The following PCDH15 variants were observed in gnomAD, a reference collection of about 807,000 sequenced individuals.
PCDH15 encodes the protein protocadherin related 15, also known as protocadherin-15.
A neutral mutation model predicts 178.5 loss-of-function variants in PCDH15; 129 were observed. The observed-to-expected ratio is 0.72, with a 90% CI of 0.63 to 0.84. The LOEUF (loss-of-function observed/expected upper bound fraction) is 0.84. PCDH15 is among the 40% of genes least tolerant of loss of function. The pLI, the probability that PCDH15 is intolerant of heterozygous loss-of-function variation, is 0.00. For synonymous variants in PCDH15, 800 were observed against 732.0 expected, an observed-to-expected ratio of 1.09 and a Z score of -1.50; for missense variants, 2,230 against 2,099.9, an observed-to-expected ratio of 1.06 and a Z score of -1.21.
At chr10:54,069,407 T>C (rs2094198215) in intron 17 of PCDH15, among the ~76,000 whole-genome samples, 4 of 152,182 alleles carry the variant, frequency 2.6e-5, no homozygotes, top group Admixed American at 2.6e-4. Context: ...AGAAGTCAAA[T>C]AACAATTCCA....
intron 2 of PCDH15, among the ~76,000 whole-genome samples, chr10:54,662,044 T>C (rs1235931508): frequency 2.6e-5 from 4 of 151,680 alleles, no homozygotes; most frequent in African/African-American, 9.7e-5. Context: ...TAAACAAAAG[T>C]AGACAAATGG....
At chr10:55,515,032 CG>C (rs1187930214) in intron 2 of PCDH15, among the ~76,000 whole-genome samples, 3 of 149,098 alleles carry the variant, frequency 2.0e-5, no homozygotes, top group African/African-American at 7.4e-5. Context: ...CTCTGTCACC[CG>C]GGCTGGAGTG....
At chr10:53,818,149 T>A (rs548928717) in intron 33 of PCDH15, 136 bp from the exon 34 acceptor site, 1 of 390,064 alleles carries the variant, frequency 2.6e-6, no homozygotes, top group African/African-American at 2.1e-5. Flanking sequence ...ACTATCTCAG[T>A]GGGAAGTATA....
In PCDH15 at chr10:54,655,256, AAGAGAGAGAGAGAGAG is replaced by A. The variant is rs1173377441; in HGVS notation, c.91+8900_91+8915del. Among the ~76,000 whole-genome samples the A allele has an allele frequency of 8.8e-4, 43 of 48,908 alleles. 2 individuals carry two copies. The highest frequency in any genetic ancestry group is 2.7e-3 in the South Asian group (3 of 1,126). 32.1% of individuals were successfully genotyped at this position (48,908 alleles called of 152,430 possible). A position where few individuals can be genotyped will look rare whatever the true frequency, so the allele number is the denominator to read the frequency against. On this transcript the variant is annotated intron_variant, in intron 2 of 37. Transcript: ENST00000644397. Reference sequence around the variant, plus strand: ...AGGAAGGGAAAGAAAGAAAGAAAGAAAGAGAGAGAGAGAGAGAGAGAGAGAGAGAGAGAGAGAGAGA... The same window carrying A: ...AGGAAGGGAAAGAAAGAAAGAAAGAAAGAGAGAGAGAGAGAGAGAGAGAGA...
At chr10:54,093,820 G>A (rs574448570) in intron 15 of PCDH15, among the ~76,000 whole-genome samples, 6 of 152,188 alleles carry the variant, frequency 3.9e-5, no homozygotes, top group African/African-American at 1.4e-4. Context: ...ATTGAAAGAT[G>A]CATCTTTTTT....
Position 54,329,626 on chromosome 10 carries a change from C to G in PCDH15, c.675G>C (p.Lys225Asn), listed in dbSNP as rs1403705158. 1.2e-6 allele frequency: 2 copies of G among 1,605,016 alleles called. No homozygotes were observed. The highest frequency in any genetic ancestry group is 1.7e-6 in the Non-Finnish European group (2 of 1,172,116). The change falls in exon 7 of 38, where the codon AAG becomes AAC. Residue 225 changes from lysine (K) to asparagine (N), a missense_variant. Coordinates refer to ENST00000644397, the MANE Select transcript of PCDH15 (RefSeq NM_001384140.1). ...CTTGGATTATGACAAAGTAGCGAGT[C>G]TTATCTTCATAGTTGAGCCTCTTCC... The part of the protein sequence containing the change: ...VLRKRLNYED[K>N]TRYFVIIQAN...
chr10:55,554,470 C>T lies in PCDH15; in HGVS notation c.-156+73155G>A, dbSNP rs575587194. ...TTACCTTAGTGAGGTACAATTATTA[C>T]AATTAATGAACCAATATTGACATTA... On this transcript the variant is annotated intron_variant, in intron 2 of 5. Coordinates refer to the PCDH15 transcript ENST00000613346. 3.4e-4 allele frequency among the ~76,000 whole-genome samples: 52 copies of T among 152,130 alleles called. 1 individual carries two copies. In the South Asian group the frequency reaches 6.6e-3, roughly 19 times the overall value.
At chr10:53,892,154 A>G (rs2081613978) in intron 26 of PCDH15, among the ~76,000 whole-genome samples, 1 of 150,076 alleles carries the variant, frequency 6.7e-6, no homozygotes, top group South Asian at 2.1e-4. Context: ...CCTCTTGAGT[A>G]GCTGGGATTA....
chr10:55,263,695 C>T (rs1363652725), intron 1 of PCDH15, among the ~76,000 whole-genome samples: 1 of 151,972 alleles, frequency 6.6e-6, no homozygotes, highest in Non-Finnish European at 1.5e-5. Context: ...AGGATCTCCC[C>T]CTTTTGCTCT....
chr10:55,004,697 T>G (rs1340685906), intron 2 of PCDH15, among the ~76,000 whole-genome samples: 2 of 152,214 alleles, frequency 1.3e-5, no homozygotes, highest in African/African-American at 4.8e-5. Flanking sequence ...GAGACTGAAC[T>G]CCTGTTTTCC....
chr10:54,442,223 G>A (rs1425778955), intron 3 of PCDH15, among the ~76,000 whole-genome samples: 1 of 150,512 alleles, frequency 6.6e-6, no homozygotes, highest in African/African-American at 2.4e-5. Context: ...GGGGTGTAGT[G>A]AGGGTAAAGT....
chr10:54,040,585 G>T (rs953907312), intron 18 of PCDH15, among the ~76,000 whole-genome samples: 1 of 152,000 alleles, frequency 6.6e-6, no homozygotes, highest in Non-Finnish European at 1.5e-5. Flanking sequence ...TGTGAATGAA[G>T]TTGGATGTTG....
intron 13 of PCDH15, among the ~76,000 whole-genome samples, chr10:54,174,351 T>C (rs1461933287): frequency 2.6e-5 from 4 of 151,330 alleles, no homozygotes; most frequent in African/African-American, 9.7e-5. Context: ...GCTAACACGG[T>C]GAAACCCCGT....
intron 26 of PCDH15, among the ~76,000 whole-genome samples, chr10:53,873,632 C>T (rs2080023748): frequency 6.6e-6 from 1 of 152,056 alleles, no homozygotes; most frequent in Non-Finnish European, 1.5e-5. Flanking sequence ...AATAAAACAA[C>T]AAATGTTCGA....
At chr10:55,062,418 C>T (rs1175028931) in intron 2 of PCDH15, among the ~76,000 whole-genome samples, 4 of 152,030 alleles carry the variant, frequency 2.6e-5, no homozygotes, top group Admixed American at 2.6e-4. Context: ...TTGTTATAGC[C>T]ATCAGAATAG....
chr10:54,426,961 C>A, intron 3 of PCDH15, among the ~76,000 whole-genome samples: 1 of 151,004 alleles, frequency 6.6e-6, no homozygotes, highest in Non-Finnish European at 1.5e-5. Flanking sequence ...AAGTGCCAGG[C>A]ACTGTGCAAC....
At chr10:54,312,465 C>G (rs1262581922) in intron 8 of PCDH15, among the ~76,000 whole-genome samples, 1 of 152,060 alleles carries the variant, frequency 6.6e-6, no homozygotes, top group Non-Finnish European at 1.5e-5. Context: ...TATGTTTCTA[C>G]CCCTTGAAAC....
intron 2 of PCDH15, among the ~76,000 whole-genome samples, chr10:54,577,691 G>T (rs2090629024): frequency 6.6e-6 from 1 of 151,910 alleles, no homozygotes; most frequent in Non-Finnish European, 1.5e-5. Context: ...CCCCTTACAG[G>T]AGTCAGGAAA....
At chr10:54,027,246 C>A (rs551041829) in intron 18 of PCDH15, among the ~76,000 whole-genome samples, 1,806 of 147,970 alleles carry the variant, frequency 0.012, 23 homozygotes, top group African/African-American at 0.044. Context: ...ATGTGAAGGA[C>A]CTCTTCAAGG....
Sources: gnomAD v4.1 joint callset for allele counts (sites outside exome capture counted in the v4.1 genomes callset) on GRCh38, gnomAD v4.1.1 for gene constraint, MANE v1.5 for transcripts, NCBI Gene and HGNC (gene_info 2026-07-23, HGNC 2026-07-21) for gene names.